PLCB1: variants seen among roughly 807,000 people sequenced by gnomAD.
PLCB1 encodes the protein phospholipase C beta 1, also known as 1-phosphatidylinositol 4,5-bisphosphate phosphodiesterase beta-1.
PLCB1 carries 46 observed loss-of-function variants against 161.8 expected under a neutral mutation model. The observed-to-expected ratio is 0.28, with a 90% CI of 0.22 to 0.36. The LOEUF is 0.36. PLCB1 is among the 10% of genes least tolerant of loss of function. PLCB1 has a pLI of 1.00. For missense variants in PLCB1, 1,016 were observed against 1,472.5 expected, an observed-to-expected ratio of 0.69 and a Z score of 5.07; for synonymous variants, 517 against 503.7, an observed-to-expected ratio of 1.03 and a Z score of -0.35.
chr20:8,614,345 C>T (rs539609528), intron 3 of PLCB1, among the ~76,000 whole-genome samples: 7 of 149,278 alleles, frequency 4.7e-5, no homozygotes, highest in South Asian at 2.1e-4. Flanking sequence ...TATATATATA[C>T]ACACACATAT....
intron 3 of PLCB1, among the ~76,000 whole-genome samples, chr20:8,549,870 G>A (rs968478172): frequency 6.6e-6 from 1 of 152,138 alleles, no homozygotes; most frequent in African/African-American, 2.4e-5. Flanking sequence ...CCACACCCGC[G>A]GAGATCTGAT....
chr20:8,430,364 G>A (rs1979985083), intron 3 of PLCB1, among the ~76,000 whole-genome samples: 1 of 150,774 alleles, frequency 6.6e-6, no homozygotes, highest in African/African-American at 2.4e-5. Context: ...GCTCTTCCCG[G>A]GTCAGTTTTA....
intron 23 of PLCB1, among the ~76,000 whole-genome samples, chr20:8,746,060 T>G (rs1289675100): frequency 6.6e-6 from 1 of 152,272 alleles, no homozygotes; most frequent in East Asian, 1.9e-4. Context: ...GCCACCCAAG[T>G]AGCCGGGACT....
intron 16 of PLCB1, among the ~76,000 whole-genome samples, chr20:8,726,465 G>T (rs1156629421): frequency 6.6e-6 from 1 of 152,046 alleles, no homozygotes; most frequent in Non-Finnish European, 1.5e-5. Flanking sequence ...AGGTTTAGTT[G>T]ACTCACAGTT....
intron 2 of PLCB1, among the ~76,000 whole-genome samples, chr20:8,215,882 G>A (rs1979094307): frequency 6.6e-6 from 1 of 151,882 alleles, no homozygotes; most frequent in Non-Finnish European, 1.5e-5. Flanking sequence ...TTAATTCACA[G>A]CAGGGAGCAG....
At chr20:8,324,179 A>T (rs1330954467) in intron 2 of PLCB1, among the ~76,000 whole-genome samples, 1 of 150,238 alleles carries the variant, frequency 6.7e-6, no homozygotes, top group African/African-American at 2.5e-5. Flanking sequence ...GTCCTAGTTC[A>T]CAGTCTCTAA....
At chr20:8,411,337 A>G (rs952540457) in intron 3 of PLCB1, among the ~76,000 whole-genome samples, 12 of 152,246 alleles carry the variant, frequency 7.9e-5, no homozygotes, top group South Asian at 2.1e-4. Flanking sequence ...TCTTAGTGTT[A>G]AAATTAATTT....
intron 11 of PLCB1, among the ~76,000 whole-genome samples, chr20:8,698,663 A>G (rs937481360): frequency 6.6e-6 from 1 of 152,178 alleles, no homozygotes; most frequent in Non-Finnish European, 1.5e-5. Context: ...GTAAAAGTTT[A>G]TTAGAGAGGA....
At chr20:8,147,968 G>A (rs1218756955) in intron 1 of PLCB1, among the ~76,000 whole-genome samples, 6 of 151,650 alleles carry the variant, frequency 4.0e-5, no homozygotes, top group Non-Finnish European at 1.5e-5. Context: ...TGCCTCCCGG[G>A]TTCATGCCAT....
At chr20:8,663,817 T>C (rs1568552139) in intron 9 of PLCB1, among the ~76,000 whole-genome samples, 2 of 152,164 alleles carry the variant, frequency 1.3e-5, no homozygotes, top group Non-Finnish European at 1.5e-5. Flanking sequence ...TAAATATTCC[T>C]GGCACAGGAA....
intron 3 of PLCB1, among the ~76,000 whole-genome samples, chr20:8,544,924 C>A (rs1167143113): frequency 6.6e-6 from 1 of 152,170 alleles, no homozygotes; most frequent in East Asian, 1.9e-4. Flanking sequence ...TTGATATCTA[C>A]TTTTACATTC....
chr20:8,164,087 G>C (rs962192845), intron 2 of PLCB1, among the ~76,000 whole-genome samples: 1 of 152,176 alleles, frequency 6.6e-6, no homozygotes, highest in African/African-American at 2.4e-5. Flanking sequence ...CTAAAGTGTA[G>C]GAGCCCTGAG....
In PLCB1 at chr20:8,373,551, T is replaced by C. The variant is rs1221886360; in HGVS notation, c.246+2101T>C. Among the ~76,000 whole-genome samples the C allele has an allele frequency of 5.3e-5, 8 of 152,194 alleles. No individual in the cohort carries two copies. In the East Asian group the frequency reaches 1.5e-3, roughly 29 times the overall value. On this transcript the variant is annotated intron_variant, in intron 3 of 31. Transcript: ENST00000338037. ...TCCGCCTCCAGAAATGCTGGTACCA[T>C]AAGAATCAAATTGATACAGGTGTGG...
intron 1 of PLCB1, among the ~76,000 whole-genome samples, chr20:8,137,464 C>T (rs547309618): frequency 2.6e-5 from 4 of 152,336 alleles, no homozygotes; most frequent in Non-Finnish European, 5.9e-5. Flanking sequence ...TAAGGAGCCA[C>T]TTAAATTTGC....
chr20:8,678,027 A>C (rs1371430957), intron 9 of PLCB1, among the ~76,000 whole-genome samples: 2 of 152,248 alleles, frequency 1.3e-5, no homozygotes, highest in African/African-American at 4.8e-5. Context: ...AGACTTCAAG[A>C]GAATCTAACC....
At chr20:8,467,622 T>A (rs2050583378) in intron 3 of PLCB1, among the ~76,000 whole-genome samples, 1 of 152,170 alleles carries the variant, frequency 6.6e-6, no homozygotes, top group Admixed American at 6.6e-5. Context: ...TACAGTGTTA[T>A]ATTTGAGTTC....
chr20:8,755,715 A>G (rs1015903957), intron 23 of PLCB1, among the ~76,000 whole-genome samples: 17 of 152,252 alleles, frequency 1.1e-4, no homozygotes, highest in Non-Finnish European at 2.2e-4. Flanking sequence ...TTATGTCAAC[A>G]TAAATAACAA....
chr20:8,736,952 TTAAAG>T, intron 19 of PLCB1, 71 bp from the exon 20 acceptor site: 3 of 1,140,362 alleles, frequency 2.6e-6, no homozygotes, highest in South Asian at 2.7e-5. Flanking sequence ...TTGTGGCTCT[TTAAAG>T]TATTCTCTTA....
chr20:8,186,660 C>T (rs191508576), intron 2 of PLCB1, among the ~76,000 whole-genome samples: 1 of 152,224 alleles, frequency 6.6e-6, no homozygotes, highest in Non-Finnish European at 1.5e-5. Flanking sequence ...TCCAGATTCT[C>T]TGAGAAGCAG....
Sources: allele counts gnomAD v4.1 joint callset (sites outside exome capture counted in the v4.1 genomes callset), GRCh38; gene constraint gnomAD v4.1.1; transcripts MANE v1.5; gene names NCBI Gene and HGNC (gene_info 2026-07-23, HGNC 2026-07-21).